The following IGFBP4 variants were observed in gnomAD, a reference collection of about 807,000 sequenced individuals.
The protein encoded by IGFBP4 is insulin like growth factor binding protein 4, also known as insulin-like growth factor-binding protein 4.
IGFBP4 carries 9 observed loss-of-function variants against 25.8 expected under a neutral mutation model. The ratio of observed to expected loss-of-function variants is 0.35; its 90% CI spans 0.21 to 0.61. The LOEUF is 0.61. Among genes scored for constraint, IGFBP4 ranks in the 20% least tolerant of loss-of-function variants. The pLI is 0.77. For missense variants in IGFBP4, 315 were observed against 365.3 expected (o/e 0.86, Z 1.12); for synonymous variants, 153 against 153.9 (o/e 0.99, Z 0.05).
chr17:40,445,079 T>C (rs1462038444), intron 1 of IGFBP4, among the ~76,000 whole-genome samples: 1 of 152,192 alleles, frequency 6.6e-6, no homozygotes, highest in African/African-American at 2.4e-5. Flanking sequence ...TCCTTCTTTC[T>C]CTTGCTCTTT....
intron 1 of IGFBP4, among the ~76,000 whole-genome samples, chr17:40,449,474 C>T (rs935455495): frequency 5.9e-5 from 9 of 151,884 alleles, no homozygotes; most frequent in South Asian, 2.1e-4. Context: ...AAAGGCCGGG[C>T]GCAATGGCTC....
intron 1 of IGFBP4, among the ~76,000 whole-genome samples, chr17:40,452,254 C>G (rs1029352492): frequency 6.6e-6 from 1 of 152,122 alleles, no homozygotes; most frequent in Non-Finnish European, 1.5e-5. Context: ...CTGGGCAACC[C>G]CTATGGACTT....
chr17:40,457,179 C>G lies in IGFBP4; in HGVS notation c.*596C>G, dbSNP rs370771399. On this transcript the variant is annotated 3_prime_UTR_variant, in exon 4 of 4. Coordinates refer to ENST00000269593, the MANE Select transcript of IGFBP4 (RefSeq NM_001552.3). ...GGGGTAGCAGATGGAGTAATGGTCA[C>G]GAGGTCCAGACCCACTCCCAAAGCT... The G allele has an allele frequency of 2.0e-5, 3 of 152,264 alleles. No individual in the cohort carries two copies. The highest frequency in any genetic ancestry group is 4.4e-5 in the Non-Finnish European group (3 of 68,194). The allele number at this position is 152,264 out of a possible 1,614,324, so 9.4% of individuals were successfully genotyped here.
chr17:40,449,057 C>T (rs997828567), intron 1 of IGFBP4, among the ~76,000 whole-genome samples: 7 of 152,260 alleles, frequency 4.6e-5, no homozygotes, highest in Admixed American at 2.6e-4. Context: ...GGTGCTACTC[C>T]GTGTAGACAT....
At chr17:40,449,248 T>C (rs1043884765) in intron 1 of IGFBP4, among the ~76,000 whole-genome samples, 7 of 152,198 alleles carry the variant, frequency 4.6e-5, no homozygotes, top group African/African-American at 1.7e-4. Context: ...TCAGTGAGCA[T>C]ACCTAATCCT....
chr17:40,446,081 A>G (rs143836380), intron 1 of IGFBP4, among the ~76,000 whole-genome samples: 2,228 of 149,818 alleles, frequency 0.015, 25 homozygotes, highest in Non-Finnish European at 0.023. Flanking sequence ...GTGGAGGTTC[A>G]TGCTTGTAAT....
At chr17:40,444,741 C>G (rs538067102) in intron 1 of IGFBP4, among the ~76,000 whole-genome samples, 56 of 152,094 alleles carry the variant, frequency 3.7e-4, no homozygotes, top group African/African-American at 1.4e-3. Flanking sequence ...GTTCTTTTCT[C>G]CAGGCAGGTA....
rs1364038149 is a variant in IGFBP4, at chr17:40,457,321, G to A, written c.*738G>A. 7.2e-5 allele frequency: 11 copies of A among 152,354 alleles called. No individual in the cohort carries two copies. The East Asian group carries it at 2.1e-3, about 29-fold the overall frequency. The allele number at this position is 152,354 out of a possible 1,614,324, so 9.4% of individuals were successfully genotyped here. A position where few individuals can be genotyped will look rare whatever the true frequency, so the allele number is the denominator to read the frequency against. ...GCCCTGCTGTGGGAGAGCGAAGGGG[G>A]TCAAAGGAAGACTTGAAGCACAGAG... On this transcript the variant is annotated 3_prime_UTR_variant, in exon 4 of 4. Coordinates refer to ENST00000269593, the MANE Select transcript of IGFBP4 (RefSeq NM_001552.3).
chr17:40,443,800 A>G lies in IGFBP4; in HGVS notation c.65A>G (p.Asp22Gly). 1 of 1,525,304 alleles carries G rather than the reference A, an allele frequency of 6.6e-7. No individual in the cohort carries two copies. Among genetic ancestry groups the G allele is most frequent in the Non-Finnish European group, 8.7e-7 (1 of 1,144,350 alleles). The allele number at this position is 1,525,304 out of a possible 1,614,324, so 94.5% of individuals were successfully genotyped here. Residue 22 changes from aspartate to glycine, a missense_variant, in exon 1 of 4, where the codon GAC (aspartate) becomes GGC (glycine). Transcript: ENST00000269593. The stretch of plus-strand genomic sequence containing the variant: ...GCCGGGCCCGGGCCGAGCCTGGGCG[A>G]CGAAGCCATCCACTGCCCGCCCTGC... ...LAAGPGPSLG[D>G]EAIHCPPCSE... is the part of the protein sequence containing the mutation.
rs894172793 is a variant in IGFBP4 at position 40,443,917 on chromosome 17, T to G, written c.182T>G (p.Leu61Arg). ...TGCGGCTGTTGCGCCACTTGCGCCCTGGGCTTGGGGATGCCCTGCGGGGTG... is the reference window on the plus strand; with the variant it reads ...TGCGGCTGTTGCGCCACTTGCGCCCGGGGCTTGGGGATGCCCTGCGGGGTG... ...PGCGCCATCA[L>R]GLGMPCGVYT... Residue 61 changes from leucine to arginine, a missense_variant, in exon 1 of 4, where the codon CTG becomes CGG. Physicochemically the swap from Leu to Arg is moderately radical, Grantham distance 102 (BLOSUM62 -2). Transcript: ENST00000269593. 1 of 1,530,688 alleles carries G rather than the reference T, an allele frequency of 6.5e-7. No individual in the cohort carries two copies. The highest frequency in any genetic ancestry group is 1.4e-5 in the African/African-American group (1 of 72,412). The allele number at this position is 1,530,688 out of a possible 1,614,324, so 94.8% of individuals were successfully genotyped here.
At position 40,453,990 on chromosome 17, in the gene IGFBP4, C is replaced by A. The variant is rs1232810107; in HGVS notation, c.570C>A (p.Ser190Arg). The A allele has an allele frequency of 6.2e-7, 1 of 1,613,504 alleles. No homozygotes were observed. The highest frequency in any genetic ancestry group is 1.7e-5 in the Admixed American group (1 of 59,922). ...RALERLAASQ[S>R]RTHEDLYIIP... is the part of the protein sequence containing the mutation. ...TGGAGCGGCTGGCCGCTTCACAGAG[C>A]CGCACCCACGAGGACCTCTACATCA... Residue 190 changes from serine to arginine, a missense_variant, in exon 3 of 4, where the codon AGC (serine) becomes AGA (arginine). Transcript: ENST00000269593. The surrounding 1 kb of genome is among the most constrained non-coding windows in gnomAD (Gnocchi z 4.0).
chr17:40,443,856 C>G lies in IGFBP4; in HGVS notation c.121C>G (p.Pro41Ala), dbSNP rs758124086. The G allele has an allele frequency of 1.1e-4, 167 of 1,531,992 alleles. No individual in the cohort carries two copies. Among genetic ancestry groups the G allele is most frequent in the South Asian group, 1.7e-4 (14 of 83,756 alleles). The allele number at this position is 1,531,992 out of a possible 1,614,324, so 94.9% of individuals were successfully genotyped here. A position where few individuals can be genotyped will look rare whatever the true frequency, so the allele number is the denominator to read the frequency against. Reference sequence around the variant, plus strand: ...GGAGAAGCTGGCGCGCTGCCGCCCCCCCGTGGGCTGCGAGGAGCTGGTGCG... The same window carrying G: ...GGAGAAGCTGGCGCGCTGCCGCCCCGCCGTGGGCTGCGAGGAGCTGGTGCG... ...SEEKLARCRP[P>A]VGCEELVREP... Residue 41 changes from proline to alanine, a missense_variant, in exon 1 of 4, where the codon CCC becomes GCC. Transcript: ENST00000269593.
rs2035694582 is a variant in IGFBP4, at chr17:40,453,039, A to C, written c.404A>C (p.Asp135Ala). 6 of 1,595,578 alleles carry C rather than the reference A, an allele frequency of 3.8e-6. No homozygotes were observed. Among genetic ancestry groups the C allele is most frequent in the Non-Finnish European group, 5.1e-6 (6 of 1,170,696 alleles). ...AGCTTCAGCCCCTGTAGCGCCCATG[A>C]CCGCAGGTGCCTGCAGAAGCACTTC... is the stretch of plus-strand genomic sequence containing the variant. ...NNSFSPCSAH[D>A]RRCLQKHFAK... The change falls in exon 2 of 4, where the codon GAC becomes GCC. Residue 135 changes from aspartate (D) to alanine (A), a missense_variant. By Grantham distance (126) the Asp-to-Ala change is moderately radical. Coordinates refer to ENST00000269593, the MANE Select transcript of IGFBP4 (RefSeq NM_001552.3). The surrounding 1 kb of genome is among the most constrained non-coding windows in gnomAD (Gnocchi z 4.0).
At position 40,443,854 on chromosome 17, in the gene IGFBP4, C is replaced by T. The variant is rs2143732343; in HGVS notation, c.119C>T (p.Pro40Leu). ...GAGGAGAAGCTGGCGCGCTGCCGCCCCCCCGTGGGCTGCGAGGAGCTGGTG... is the reference window on the plus strand; with the variant it reads ...GAGGAGAAGCTGGCGCGCTGCCGCCTCCCCGTGGGCTGCGAGGAGCTGGTG... ...CSEEKLARCR[P>L]PVGCEELVRE... Residue 40 changes from proline to leucine, a missense_variant, in exon 1 of 4, where the codon CCC (proline) becomes CTC (leucine). Transcript: ENST00000269593. 2.6e-6 allele frequency: 4 copies of T among 1,531,618 alleles called. No individual in the cohort carries two copies. The highest frequency in any genetic ancestry group is 1.4e-5 in the African/African-American group (1 of 72,554). 94.9% of individuals were successfully genotyped at this position (1,531,618 alleles called of 1,614,324 possible).
At chr17:40,452,573 C>A (rs1008587876) in intron 1 of IGFBP4, among the ~76,000 whole-genome samples, 10 of 152,104 alleles carry the variant, frequency 6.6e-5, no homozygotes, top group African/African-American at 2.4e-4. Context: ...CCGAAAAAAT[C>A]AGGAGAGGCA....
rs757682541 is a variant in IGFBP4 at position 40,456,584 on chromosome 17, G to C, written c.*1G>C. The C allele has an allele frequency of 6.2e-7, 1 of 1,611,796 alleles. No homozygotes were observed. The highest frequency in any genetic ancestry group is 2.2e-5 in the East Asian group (1 of 44,836). On this transcript the variant is annotated 3_prime_UTR_variant, in exon 4 of 4. Transcript: ENST00000269593. ...GCTGGCTGACAGCTTTCGAGAGTGA[G>C]GCCTGCCAGCAGGCCAGGGACTCAG...
intron 1 of IGFBP4, among the ~76,000 whole-genome samples, chr17:40,448,429 G>A (rs921459018): frequency 1.1e-4 from 16 of 152,222 alleles, no homozygotes; most frequent in African/African-American, 3.9e-4. Flanking sequence ...CAAGCTGGGC[G>A]CTGTAGGAGG....
chr17:40,456,841 T>G lies in IGFBP4; in HGVS notation c.*258T>G, dbSNP rs35794480. On this transcript the variant is annotated 3_prime_UTR_variant, in exon 4 of 4. Coordinates refer to ENST00000269593, the MANE Select transcript of IGFBP4 (RefSeq NM_001552.3). ...AGCCCAAGAGGACTGAGACTGGCACTTAGCCCAAGAGGTCTGAGCCCTGGT... is the reference window on the plus strand; with the variant it reads ...AGCCCAAGAGGACTGAGACTGGCACGTAGCCCAAGAGGTCTGAGCCCTGGT... 3.0e-3 allele frequency: 1,498 copies of G among 492,950 alleles called. 17 individuals carry two copies. Among genetic ancestry groups the G allele is most frequent in the African/African-American group, 0.028 (1,388 of 49,368 alleles). The allele number at this position is 492,950 out of a possible 1,614,324, so 30.5% of individuals were successfully genotyped here.
intron 1 of IGFBP4, 136 bp from the exon 2 acceptor site, chr17:40,452,849 C>A: frequency 1.6e-6 from 1 of 622,984 alleles, no homozygotes; most frequent in Non-Finnish European, 2.6e-6. Context: ...TTTCTTCCCG[C>A]TCCCCAGGCC....
Sources: gnomAD v4.1 joint callset for allele counts (sites outside exome capture counted in the v4.1 genomes callset) on GRCh38, gnomAD v4.1.1 for gene constraint, Gnocchi (gnomAD v3.1) non-coding constraint, MANE v1.5 for transcripts, NCBI Gene and HGNC (gene_info 2026-07-23, HGNC 2026-07-21) for gene names.